Variants in LPP observed in about 807,000 individuals in gnomAD.
LPP encodes lipoma-preferred partner.
Under a neutral mutation model 60.4 loss-of-function variants are expected in LPP, and 38 were observed. The ratio of observed to expected loss-of-function variants is 0.63; its 90% CI spans 0.49 to 0.83. LPP has a LOEUF of 0.83. Ranked by LOEUF, LPP falls within the 40% of genes least tolerant of loss-of-function variation. LPP has a pLI of 0.00. For missense variants in LPP, 902 were observed against 783.6 expected, an observed-to-expected ratio of 1.15 and a Z score of -1.80; for synonymous variants, 328 against 290.8, an observed-to-expected ratio of 1.13 and a Z score of -1.30.
chr3:188,416,513 T>G (rs2148982900), intron 4 of LPP, among the ~76,000 whole-genome samples: 1 of 152,320 alleles, frequency 6.6e-6, no homozygotes, highest in African/African-American at 2.4e-5. Flanking sequence ...GACCAGTGCC[T>G]TAATCTCCTT....
intron 7 of LPP, among the ~76,000 whole-genome samples, chr3:188,619,315 A>G (rs900054003): frequency 6.6e-6 from 1 of 152,184 alleles, no homozygotes. Flanking sequence ...GTGAGCCACC[A>G]CGCCTGGACA....
chr3:188,225,785 C>T (rs1717519624), intron 2 of LPP, among the ~76,000 whole-genome samples: 3 of 152,164 alleles, frequency 2.0e-5, no homozygotes, highest in African/African-American at 7.2e-5. Context: ...TAGCATTGAA[C>T]TTGGAGGAAA....
chr3:188,378,187 C>T (rs999254537), intron 3 of LPP, among the ~76,000 whole-genome samples: 1 of 152,228 alleles, frequency 6.6e-6, no homozygotes, highest in Non-Finnish European at 1.5e-5. Context: ...TGCCCATTCT[C>T]AGATCTCAAG....
chr3:188,281,933 T>C (rs1742226242), intron 2 of LPP, among the ~76,000 whole-genome samples: 1 of 152,190 alleles, frequency 6.6e-6, no homozygotes, highest in South Asian at 2.1e-4. Context: ...GTTTTACTTG[T>C]ATATAATCAT....
rs76137229 is a variant in LPP, at chr3:188,217,365, A to C, written c.-189-8040A>C. Among the ~76,000 whole-genome samples the C allele has an allele frequency of 0.13, 20,357 of 152,196 alleles. 2,195 individuals carry two copies. The highest frequency in any genetic ancestry group is 0.54 in the East Asian group (2,776 of 5,156). The stretch of plus-strand genomic sequence containing the variant: ...GATGTGCTGGCAGGATGTGGGCTGC[A>C]GGGGAAGAAGCAGGAGAAAAGAATA... On this transcript the variant is annotated intron_variant, in intron 1 of 11. Transcript: ENST00000617246. The surrounding 1 kb of genome is among the most constrained non-coding windows in gnomAD (Gnocchi z 4.0).
At chr3:188,590,791 G>A (rs775522683) in intron 6 of LPP, among the ~76,000 whole-genome samples, 1 of 152,114 alleles carries the variant, frequency 6.6e-6, no homozygotes, top group African/African-American at 2.4e-5. Flanking sequence ...GTGTTGCTAG[G>A]TCTCTGGAAT....
intron 3 of LPP, among the ~76,000 whole-genome samples, chr3:188,385,635 C>T (rs1215404255): frequency 1.3e-5 from 2 of 152,184 alleles, no homozygotes; most frequent in Middle Eastern, 3.2e-3. Context: ...ATTCACTCTA[C>T]AAAGAAGCAA....
At chr3:188,374,025 C>A (rs976944971) in intron 3 of LPP, among the ~76,000 whole-genome samples, 1 of 151,948 alleles carries the variant, frequency 6.6e-6, no homozygotes, top group Non-Finnish European at 1.5e-5. Context: ...TGTAGATATG[C>A]GGCATTATTT....
intron 6 of LPP, among the ~76,000 whole-genome samples, chr3:188,540,974 G>C (rs1360777831): frequency 6.6e-6 from 1 of 152,106 alleles, no homozygotes; most frequent in Admixed American, 6.5e-5. Context: ...GAGCCATAAT[G>C]GTCTTGTCCT....
chr3:188,340,193 C>T (rs1762673024), intron 2 of LPP, among the ~76,000 whole-genome samples: 1 of 152,068 alleles, frequency 6.6e-6, no homozygotes, highest in African/African-American at 2.4e-5. Context: ...CCATGTTAAC[C>T]ATGTGATCTT....
At chr3:188,410,980 A>G (rs1784764156) in intron 4 of LPP, among the ~76,000 whole-genome samples, 1 of 152,126 alleles carries the variant, frequency 6.6e-6, no homozygotes, top group Non-Finnish European at 1.5e-5. Flanking sequence ...AGAACATACA[A>G]TATTTGATTT....
chr3:188,651,184 G>A (rs1212985905), intron 7 of LPP, among the ~76,000 whole-genome samples: 1 of 152,166 alleles, frequency 6.6e-6, no homozygotes, highest in Non-Finnish European at 1.5e-5. Context: ...TGTGCTTCAG[G>A]AATTTCTGCC....
rs577001671 is a variant in LPP at position 188,523,069 on chromosome 3, A to G, written c.307-1596A>G. 6.6e-3 allele frequency among the ~76,000 whole-genome samples: 1,000 copies of G among 151,860 alleles called. 6 individuals are homozygous for G. The highest frequency in any genetic ancestry group is 0.01 in the Non-Finnish European group (702 of 67,924). ...ATTACAGGGGCCTGCCACCACACCC[A>G]GCTAATTTTTGTATTTTTAGTGGAG... is the stretch of plus-strand genomic sequence containing the variant. On this transcript the variant is annotated intron_variant, in intron 5 of 11. Coordinates refer to ENST00000617246, the MANE Select transcript of LPP (RefSeq NM_001375462.1).
intron 7 of LPP, among the ~76,000 whole-genome samples, chr3:188,630,005 A>G (rs926625017): frequency 2.0e-5 from 3 of 152,140 alleles, no homozygotes; most frequent in Non-Finnish European, 4.4e-5. Context: ...ACCTAAATCT[A>G]TAAAAATCTT....
At chr3:188,236,271 C>T (rs559583306) in intron 2 of LPP, among the ~76,000 whole-genome samples, 4 of 152,040 alleles carry the variant, frequency 2.6e-5, no homozygotes, top group Non-Finnish European at 4.4e-5. Context: ...GTAGGGAGGA[C>T]ACAAATGTAA....
At chr3:188,367,189 C>T (rs1302908156) in intron 3 of LPP, among the ~76,000 whole-genome samples, 4 of 151,974 alleles carry the variant, frequency 2.6e-5, no homozygotes, top group Non-Finnish European at 4.4e-5. Context: ...AGCCACTGCA[C>T]CTGGCCAGAA....
intron 9 of LPP, among the ~76,000 whole-genome samples, chr3:188,848,001 T>C (rs1451238985): frequency 1.3e-5 from 2 of 152,208 alleles, no homozygotes; most frequent in Non-Finnish European, 2.9e-5. Flanking sequence ...CAGGCACTTG[T>C]GGGACCCTGA....
At chr3:188,592,595 A>C (rs1272548253) in intron 6 of LPP, among the ~76,000 whole-genome samples, 1 of 98,314 alleles carries the variant, frequency 1.0e-5, no homozygotes, top group East Asian at 3.7e-4. Context: ...CCCAGGCTGG[A>C]GTGCAGTGGG....
intron 2 of LPP, among the ~76,000 whole-genome samples, chr3:188,336,328 T>C (rs2150578498): frequency 6.6e-6 from 1 of 152,248 alleles, no homozygotes; most frequent in African/African-American, 2.4e-5. Context: ...GGGTTGGATG[T>C]AGGCTTCCCA....
Sources: gnomAD v4.1 joint callset for allele counts (sites outside exome capture counted in the v4.1 genomes callset) on GRCh38, gnomAD v4.1.1 for gene constraint, Gnocchi (gnomAD v3.1) non-coding constraint, MANE v1.5 for transcripts, NCBI Gene and HGNC (gene_info 2026-07-23, HGNC 2026-07-21) for gene names.